Variants in ALDH8A1 observed in about 807,000 individuals in gnomAD.
ALDH8A1 encodes aldehyde dehydrogenase 8 family member A1, also known as 2-aminomuconic semialdehyde dehydrogenase.
A neutral mutation model predicts 43.3 loss-of-function variants in ALDH8A1; 39 were observed. The ratio of observed to expected loss-of-function variants is 0.90; its 90% CI spans 0.70 to 1.18. The LOEUF is 1.18. Among genes scored for constraint, ALDH8A1 ranks in the 50% most tolerant of loss-of-function variants. The probability of loss-of-function intolerance (pLI) is 0.00; values close to 1 mark genes in which losing one functional copy is unlikely to be tolerated. For synonymous variants in ALDH8A1, 233 were observed against 243.5 expected (o/e 0.96, Z 0.40); for missense variants, 605 against 622.6 (o/e 0.97, Z 0.30).
chr6:134,935,428 G>T (rs1486249658), intron 4 of ALDH8A1, among the ~76,000 whole-genome samples: 1 of 152,206 alleles, frequency 6.6e-6, no homozygotes, highest in Non-Finnish European at 1.5e-5. Flanking sequence ...AAATGAATGA[G>T]TGAATGAATG....
intron 1 of ALDH8A1, 144 bp downstream of exon 1, chr6:134,949,772 A>G (rs1242448248): frequency 3.7e-5 from 34 of 930,310 alleles, no homozygotes; most frequent in Non-Finnish European, 4.6e-5. Flanking sequence ...TACAAGGTAC[A>G]TCTTCTGAGA....
chr6:134,938,444 G>A (rs1351696915), intron 4 of ALDH8A1, among the ~76,000 whole-genome samples: 2 of 152,158 alleles, frequency 1.3e-5, no homozygotes, highest in African/African-American at 4.8e-5. Context: ...GCTAGGAAGA[G>A]GCCATATTGT....
intron 5 of ALDH8A1, among the ~76,000 whole-genome samples, chr6:134,930,867 G>A (rs944203271): frequency 3.9e-5 from 6 of 152,184 alleles, no homozygotes; most frequent in Admixed American, 3.9e-4. Flanking sequence ...AGTGCCTATC[G>A]TCAAGCCAGA....
At position 134,935,219 on chromosome 6, in the gene ALDH8A1, C is replaced by T. The variant is rs1241620341; in HGVS notation, c.593-2187G>A. On this transcript the variant is annotated intron_variant, in intron 4 of 6. Coordinates refer to ENST00000265605, the MANE Select transcript of ALDH8A1 (RefSeq NM_022568.4). Reference sequence around the variant, plus strand: ...AGTTGATAGCACATGGAACTCAGACCAGTAAATGCAAACATTAGATAGGGT... The same window carrying T: ...AGTTGATAGCACATGGAACTCAGACTAGTAAATGCAAACATTAGATAGGGT... Among the ~76,000 whole-genome samples, 3 of 152,288 alleles carry T rather than the reference C, an allele frequency of 2.0e-5. No homozygotes were observed. The East Asian group carries it at 5.8e-4, about 29-fold the overall frequency.
chr6:134,944,294 C>T (rs749651583), intron 1 of ALDH8A1: 19 of 214,248 alleles, frequency 8.9e-5, no homozygotes, highest in African/African-American at 2.8e-4. Flanking sequence ...GTCTTGAGTT[C>T]CTGAATACAA....
At chr6:134,944,065 G>GTT (rs1773909872) in intron 1 of ALDH8A1, 99 bp from the exon 2 acceptor site, 15 of 1,356,730 alleles carry the variant, frequency 1.1e-5, no homozygotes, top group Non-Finnish European at 1.5e-5. Context: ...CCTCATTTTT[G>GTT]TTTTGTTTTG....
Position 134,947,576 on chromosome 6 carries a change from C to T in ALDH8A1, c.138+2340G>A, listed in dbSNP as rs576035033. Among the ~76,000 whole-genome samples, 45 of 151,870 alleles carry T rather than the reference C, an allele frequency of 3.0e-4. 1 individual carries two copies. Among genetic ancestry groups the T allele is most frequent in the African/African-American group, 7.2e-4 (30 of 41,430 alleles). Reference sequence around the variant, plus strand: ...CCGCCCAAAAAATCCAATTTAAAAACGGGCAAATGATCTAAAGAGATATTC... The same window carrying T: ...CCGCCCAAAAAATCCAATTTAAAAATGGGCAAATGATCTAAAGAGATATTC... On this transcript the variant is annotated intron_variant, in intron 1 of 6. Coordinates refer to ENST00000265605, the MANE Select transcript of ALDH8A1 (RefSeq NM_022568.4).
intron 3 of ALDH8A1, among the ~76,000 whole-genome samples, chr6:134,941,163 A>G (rs774368032): frequency 1.3e-5 from 2 of 152,012 alleles, no homozygotes; most frequent in Non-Finnish European, 2.9e-5. Flanking sequence ...ACCATACTAC[A>G]TGCCCTACAC....
At chr6:134,923,229 C>A (rs368328932) in intron 6 of ALDH8A1, among the ~76,000 whole-genome samples, 2 of 151,828 alleles carry the variant, frequency 1.3e-5, no homozygotes, top group African/African-American at 4.8e-5. Flanking sequence ...AGGGTTTTGC[C>A]ATGTTGCCCA....
chr6:134,921,121 T>C (rs140978964), intron 6 of ALDH8A1, among the ~76,000 whole-genome samples: 1 of 152,160 alleles, frequency 6.6e-6, no homozygotes, highest in African/African-American at 2.4e-5. Flanking sequence ...GTGATGATGA[T>C]GAAATGACTG....
At chr6:134,925,290 T>C (rs1191114684) in intron 6 of ALDH8A1, among the ~76,000 whole-genome samples, 1 of 152,238 alleles carries the variant, frequency 6.6e-6, no homozygotes, top group Non-Finnish European at 1.5e-5. Context: ...AAGGCATGTA[T>C]GTGTCTATAT....
intron 4 of ALDH8A1, 151 bp downstream of exon 4, chr6:134,939,115 C>G: frequency 8.1e-7 from 1 of 1,238,246 alleles, no homozygotes; most frequent in Non-Finnish European, 1.1e-6. Flanking sequence ...GTGAGGGAAC[C>G]CTGTGGGTGG....
intron 5 of ALDH8A1, among the ~76,000 whole-genome samples, chr6:134,931,107 GGATTAGCCAA>G (rs1776978621): frequency 6.6e-6 from 1 of 152,048 alleles, no homozygotes; most frequent in African/African-American, 2.4e-5. Flanking sequence ...TTGTGACCTT[GGATTAGCCAA>G]TTAGTTAGGC....
chr6:134,940,193 C>A (rs1033647235), intron 3 of ALDH8A1: 18 of 361,380 alleles, frequency 5.0e-5, no homozygotes, highest in Non-Finnish European at 9.2e-5. Context: ...ATGTAACAAA[C>A]CTGCACGTCC....
rs1231326012 is a variant in ALDH8A1, at chr6:134,917,499, G to A, written c.*916C>T. The A allele has an allele frequency of 6.6e-6, 1 of 152,148 alleles. No individual in the cohort carries two copies. Among genetic ancestry groups the A allele is most frequent in the Non-Finnish European group, 1.5e-5 (1 of 68,030 alleles). The allele number at this position is 152,148 out of a possible 1,614,324, so 9.4% of individuals were successfully genotyped here. The stretch of plus-strand genomic sequence containing the variant: ...ATGGAATTGATTAGACTCGACCGTA[G>A]GAATGGATCAAACTATGTACTCTTC... On this transcript the variant is annotated 3_prime_UTR_variant, in exon 7 of 7. Transcript: ENST00000265605.
intron 6 of ALDH8A1, among the ~76,000 whole-genome samples, chr6:134,920,343 G>C (rs559743713): frequency 6.6e-6 from 1 of 152,164 alleles, no homozygotes; most frequent in Non-Finnish European, 1.5e-5. Context: ...AAATAAGTTT[G>C]TACCTCTCTT....
At chr6:134,946,814 G>A (rs372939412) in intron 1 of ALDH8A1, among the ~76,000 whole-genome samples, 17 of 152,090 alleles carry the variant, frequency 1.1e-4, no homozygotes, top group East Asian at 9.6e-4. Context: ...GTGCGTGCAC[G>A]CACAGGTGCA....
Position 134,939,420 on chromosome 6 carries a change from G to A in ALDH8A1, c.443-5C>T. On this transcript the variant is annotated splice_polypyrimidine_tract_variant and splice_region_variant and intron_variant, in intron 3 of 6. Transcript: ENST00000265605. ...TCCAGGGGCTGATCAGACCAGCTAA[G>A]GGATGAGAGCAGAAGCACTGCCTGT... The A allele has an allele frequency of 1.7e-5, 27 of 1,612,866 alleles. No homozygotes were observed. The highest frequency in any genetic ancestry group is 2.2e-5 in the Non-Finnish European group (26 of 1,179,908).
intron 6 of ALDH8A1, among the ~76,000 whole-genome samples, chr6:134,922,784 T>TA (rs1776825714): frequency 6.6e-6 from 1 of 152,214 alleles, no homozygotes; most frequent in East Asian, 1.9e-4. Flanking sequence ...TATTTAGCTA[T>TA]ACTTAGTTTT....
Sources: gnomAD v4.1 joint callset for allele counts (sites outside exome capture counted in the v4.1 genomes callset) on GRCh38, gnomAD v4.1.1 for gene constraint, MANE v1.5 for transcripts, NCBI Gene and HGNC (gene_info 2026-07-23, HGNC 2026-07-21) for gene names.